ARRB1: variants seen among roughly 807,000 people sequenced by gnomAD.
The protein encoded by ARRB1 is arrestin beta 1.
Under a neutral mutation model 56.8 loss-of-function variants are expected in ARRB1, and 21 were observed. The ratio of observed to expected loss-of-function variants is 0.37; its 90% CI spans 0.26 to 0.53. ARRB1 has a LOEUF of 0.53. ARRB1 is among the 20% of genes least tolerant of loss of function. ARRB1 has a pLI of 0.88. For missense variants in ARRB1, 424 were observed against 553.7 expected (o/e 0.77, Z 2.35); for synonymous variants, 210 against 218.6 (o/e 0.96, Z 0.35).
intron 1 of ARRB1, among the ~76,000 whole-genome samples, chr11:75,317,938 T>C (rs1431522034): frequency 5.9e-5 from 9 of 151,568 alleles, no homozygotes. Context: ...AAACTGAAAA[T>C]GTGCTCAGAT....
intron 1 of ARRB1, among the ~76,000 whole-genome samples, chr11:75,322,374 C>T (rs1352492838): frequency 6.6e-6 from 1 of 152,200 alleles, no homozygotes; most frequent in African/African-American, 2.4e-5. Context: ...GGCATGGTGG[C>T]ACATGCCTGT....
chr11:75,331,485 A>G (rs956532525), intron 1 of ARRB1, among the ~76,000 whole-genome samples: 2 of 152,190 alleles, frequency 1.3e-5, no homozygotes, highest in African/African-American at 4.8e-5. Flanking sequence ...AGAATGACAA[A>G]AGAAGTGAAA....
chr11:75,274,456 T>A (rs1228947723), intron 10 of ARRB1: 1 of 510,976 alleles, frequency 2.0e-6, no homozygotes, highest in African/African-American at 1.9e-5. Flanking sequence ...TAAAAGATTA[T>A]CCTAGTCAAG....
At chr11:75,290,118 G>C in intron 1 of ARRB1, 79 bp from the exon 2 acceptor site, 2 of 1,579,164 alleles carry the variant, frequency 1.3e-6, no homozygotes, top group Non-Finnish European at 1.7e-6. Flanking sequence ...CCTTGAGGCA[G>C]GACTGGGGAC....
At chr11:75,299,826 G>C (rs1397576957) in intron 1 of ARRB1, among the ~76,000 whole-genome samples, 1 of 152,180 alleles carries the variant, frequency 6.6e-6, no homozygotes, top group African/African-American at 2.4e-5. Flanking sequence ...GGATATAGTA[G>C]GTGCTCAATA....
chr11:75,294,369 C>G (rs1431145922), intron 1 of ARRB1, among the ~76,000 whole-genome samples: 3 of 151,926 alleles, frequency 2.0e-5, no homozygotes, highest in African/African-American at 2.4e-5. Context: ...CCAGCCTGGT[C>G]AACATGGTGA....
intron 7 of ARRB1, 95 bp from the exon 8 acceptor site, chr11:75,278,839 G>C: frequency 6.7e-7 from 1 of 1,484,606 alleles, no homozygotes; most frequent in Non-Finnish European, 9.1e-7. Flanking sequence ...TCAAGAGACT[G>C]GCATGGCTCT....
At chr11:75,300,202 CAAAAAA>C (rs10557397) in intron 1 of ARRB1, among the ~76,000 whole-genome samples, 1 of 87,304 alleles carries the variant, frequency 1.1e-5, no homozygotes, top group African/African-American at 4.0e-5. Flanking sequence ...GACTCTGTCT[CAAAAAA>C]AAAAAAAAAA....
intron 1 of ARRB1, among the ~76,000 whole-genome samples, chr11:75,318,170 TTTTTGA>T (rs1162160012): frequency 8.8e-5 from 11 of 124,848 alleles, no homozygotes; most frequent in Non-Finnish European, 1.9e-4. Context: ...TTTTTTTTTT[TTTTTGA>T]GAGAGAGAGA....
At chr11:75,271,776 G>A in intron 12 of ARRB1, 52 bp from the exon 13 acceptor site, 4 of 1,535,844 alleles carry the variant, frequency 2.6e-6, no homozygotes, top group Admixed American at 4.1e-5. Flanking sequence ...GTTCAGAGAG[G>A]AAGAAAACAA....
At chr11:75,305,448 C>T (rs914690351) in intron 1 of ARRB1, among the ~76,000 whole-genome samples, 23 of 152,158 alleles carry the variant, frequency 1.5e-4, no homozygotes, top group African/African-American at 5.6e-4. Context: ...GGTGGAAATG[C>T]TATACAATGG....
intron 1 of ARRB1, among the ~76,000 whole-genome samples, chr11:75,346,054 A>C (rs1565149818): frequency 6.6e-6 from 1 of 152,018 alleles, no homozygotes; most frequent in Admixed American, 6.6e-5. Context: ...CCCCTCCAGC[A>C]TCCAAGACCT....
At chr11:75,270,540 C>T (rs1166440427) in intron 13 of ARRB1, among the ~76,000 whole-genome samples, 1 of 151,678 alleles carries the variant, frequency 6.6e-6, no homozygotes, top group Non-Finnish European at 1.5e-5. Flanking sequence ...AGGCAGAGAA[C>T]TGCTTGAACC....
At chr11:75,281,561 G>C (rs1432862708) in intron 6 of ARRB1, 2 of 324,270 alleles carry the variant, frequency 6.2e-6, no homozygotes, top group African/African-American at 4.2e-5. Context: ...TTGCAGATGA[G>C]GAAGCTGGGC....
At chr11:75,287,474 G>T in intron 2 of ARRB1, 99 bp from the exon 3 acceptor site, 1 of 1,223,642 alleles carries the variant, frequency 8.2e-7, no homozygotes. Context: ...TGAAACTCCA[G>T]ACCCATCCCT....
chr11:75,291,628 G>A (rs532932805), intron 1 of ARRB1, among the ~76,000 whole-genome samples: 1 of 152,238 alleles, frequency 6.6e-6, no homozygotes, highest in South Asian at 2.1e-4. Flanking sequence ...GCTGCCAACA[G>A]GTAGCTCCAG....
intron 1 of ARRB1, among the ~76,000 whole-genome samples, chr11:75,324,185 T>C (rs1466299881): frequency 6.6e-6 from 1 of 152,154 alleles, no homozygotes; most frequent in East Asian, 1.9e-4. Flanking sequence ...AAGATAACTG[T>C]TAGTTCTTTC....
intron 1 of ARRB1, among the ~76,000 whole-genome samples, chr11:75,298,965 G>A (rs1363049652): frequency 6.6e-6 from 1 of 151,350 alleles, no homozygotes; most frequent in Non-Finnish European, 1.5e-5. Flanking sequence ...ACATAATTCT[G>A]TTAACAGAAG....
Position 75,345,131 on chromosome 11 carries a change from C to T in ARRB1, c.20+6457G>A, listed in dbSNP as rs368184857. ...CAGAGGAAAAGCTGTTCAGTTCCTG[C>T]GGTGACCTTAGTCACACACAATTCT... On this transcript the variant is annotated intron_variant, in intron 1 of 15. Coordinates refer to ENST00000420843, the MANE Select transcript of ARRB1 (RefSeq NM_004041.5). Among the ~76,000 whole-genome samples, 30 of 152,314 alleles carry T rather than the reference C, an allele frequency of 2.0e-4. 1 individual carries two copies. The highest frequency in any genetic ancestry group is 5.8e-4 in the African/African-American group (24 of 41,578).
Sources: gnomAD v4.1 joint callset for allele counts (sites outside exome capture counted in the v4.1 genomes callset) on GRCh38, gnomAD v4.1.1 for gene constraint, MANE v1.5 for transcripts, NCBI Gene and HGNC (gene_info 2026-07-23, HGNC 2026-07-21) for gene names.